Variants in NBAS observed in about 807,000 individuals in gnomAD.
The protein encoded by NBAS is NBAS subunit of NRZ tethering complex.
Under a neutral mutation model 302.5 loss-of-function variants are expected in NBAS, and 219 were observed. That is an observed-to-expected ratio of 0.72 (90% confidence interval 0.65 to 0.81). NBAS has a LOEUF of 0.81. Ranked by LOEUF, NBAS falls within the 30% of genes least tolerant of loss-of-function variation. The probability of loss-of-function intolerance (pLI) is 0.00; values close to 1 mark genes in which losing one functional copy is unlikely to be tolerated. For synonymous variants in NBAS, 1,118 were observed against 1,021.6 expected (o/e 1.09, Z -1.80); for missense variants, 2,932 against 2,841.6 (o/e 1.03, Z -0.72).
At chr2:14,804,003 T>A in the NBAS span, among the ~76,000 whole-genome samples, 2,497 of 152,318 alleles carry the variant, frequency 0.016, 75 homozygotes, top group African/African-American at 0.056. Flanking sequence ...TCTGTAATTC[T>A]CCATCTTGAT....
intron 6 of NBAS, among the ~76,000 whole-genome samples, chr2:15,541,317 T>C (rs1002770650): frequency 2.6e-5 from 4 of 152,112 alleles, no homozygotes; most frequent in African/African-American, 9.7e-5. Context: ...CACTAACGAG[T>C]GACACCTATG....
the NBAS span, among the ~76,000 whole-genome samples, chr2:14,794,688 A>G: frequency 1.3e-5 from 2 of 152,194 alleles, no homozygotes; most frequent in Non-Finnish European, 2.9e-5. Flanking sequence ...CAATTCCTGC[A>G]ATCAAGATGG....
At position 15,511,123 on chromosome 2, in the gene NBAS, T is replaced by C. The variant is rs1477532173; in HGVS notation, c.885+89A>G. ...CATTCAAGATGAAATTATTTCTTCC[T>C]CTATATCTTACAAAGGACTTATTTG... On this transcript the variant is annotated intron_variant, in intron 10 of 51. Coordinates refer to ENST00000281513, the MANE Select transcript of NBAS (RefSeq NM_015909.4). The C allele has an allele frequency of 2.7e-6, 4 of 1,485,750 alleles. No homozygotes were observed. The African/African-American group carries it at 5.6e-5, about 21-fold the overall frequency. 92.0% of individuals were successfully genotyped at this position (1,485,750 alleles called of 1,614,324 possible).
At chr2:15,102,586 A>G in the NBAS span, among the ~76,000 whole-genome samples, 2 of 152,142 alleles carry the variant, frequency 1.3e-5, no homozygotes, top group Non-Finnish European at 1.5e-5. Flanking sequence ...TTGCAACTCC[A>G]TGGTGTCTAA....
chr2:15,455,145 C>T (rs1270329131), intron 21 of NBAS, among the ~76,000 whole-genome samples: 6 of 152,114 alleles, frequency 3.9e-5, no homozygotes, highest in Non-Finnish European at 8.8e-5. Flanking sequence ...TCAGGTGATC[C>T]GCCCACCTTG....
intron 9 of NBAS, among the ~76,000 whole-genome samples, chr2:15,522,498 C>T (rs780483991): frequency 6.6e-6 from 1 of 152,068 alleles, no homozygotes; most frequent in Admixed American, 6.6e-5. Flanking sequence ...GTTCAGTAAG[C>T]GAGTGAATAA....
chr2:15,123,142 C>T, the NBAS span, among the ~76,000 whole-genome samples: 1 of 152,192 alleles, frequency 6.6e-6, no homozygotes, highest in African/African-American at 2.4e-5. Flanking sequence ...TCCCAGCATG[C>T]TGAGTCATCC....
the NBAS span, among the ~76,000 whole-genome samples, chr2:15,039,923 TG>T: frequency 6.6e-6 from 1 of 152,192 alleles, no homozygotes; most frequent in African/African-American, 2.4e-5. Flanking sequence ...ACAAATTAAG[TG>T]GCAGCTTAAG....
intron 21 of NBAS, among the ~76,000 whole-genome samples, chr2:15,443,540 A>T (rs1423259348): frequency 6.6e-6 from 1 of 151,574 alleles, no homozygotes; most frequent in Middle Eastern, 3.4e-3. Context: ...ACCCACAGCC[A>T]ATATCATACT....
chr2:15,299,990 T>C (rs1670721814), intron 40 of NBAS, among the ~76,000 whole-genome samples: 1 of 152,206 alleles, frequency 6.6e-6, no homozygotes, highest in Non-Finnish European at 1.5e-5. Flanking sequence ...TCTCTCAGAC[T>C]GACCATTTGC....
chr2:15,443,341 G>T (rs932755249), intron 21 of NBAS, among the ~76,000 whole-genome samples: 2 of 151,520 alleles, frequency 1.3e-5, no homozygotes, highest in Non-Finnish European at 2.9e-5. Context: ...TGCAAGGCTG[G>T]TTCAATATAC....
the NBAS span, among the ~76,000 whole-genome samples, chr2:15,059,979 A>T: frequency 8.6e-6 from 1 of 116,320 alleles, no homozygotes; most frequent in Non-Finnish European, 1.8e-5. Flanking sequence ...AAAAAAACAA[A>T]AAAAAAAACA....
the NBAS span, among the ~76,000 whole-genome samples, chr2:14,878,191 C>T: frequency 6.6e-6 from 1 of 152,164 alleles, no homozygotes; most frequent in East Asian, 1.9e-4. Flanking sequence ...CTGGCACCAA[C>T]TGGCAAACAG....
chr2:15,053,309 A>C, the NBAS span, among the ~76,000 whole-genome samples: 1 of 152,238 alleles, frequency 6.6e-6, no homozygotes, highest in Non-Finnish European at 1.5e-5. Flanking sequence ...ACCATGAAAT[A>C]GAAAGTCAAA....
chr2:14,963,541 GT>G, the NBAS span, among the ~76,000 whole-genome samples: 1 of 152,200 alleles, frequency 6.6e-6, no homozygotes, highest in Non-Finnish European at 1.5e-5. Context: ...ACTGGAAGGT[GT>G]GTGTTTAACA....
intron 48 of NBAS, among the ~76,000 whole-genome samples, chr2:15,203,440 G>GA (rs1390729520): frequency 6.6e-6 from 1 of 152,208 alleles, no homozygotes; most frequent in Non-Finnish European, 1.5e-5. Context: ...CAGCTTAAGG[G>GA]AAAAGAGATT....
the NBAS span, among the ~76,000 whole-genome samples, chr2:14,982,544 T>C: frequency 6.6e-6 from 1 of 152,176 alleles, no homozygotes; most frequent in South Asian, 2.1e-4. Context: ...ACTAGTCACT[T>C]CTGGAATGGA....
At chr2:14,997,951 T>C in the NBAS span, among the ~76,000 whole-genome samples, 1 of 152,298 alleles carries the variant, frequency 6.6e-6, no homozygotes, top group African/African-American at 2.4e-5. Flanking sequence ...TCCTAATTTA[T>C]TTTGGACTTT....
the NBAS span, among the ~76,000 whole-genome samples, chr2:14,973,503 G>A: frequency 1.3e-5 from 2 of 152,120 alleles, no homozygotes; most frequent in African/African-American, 4.8e-5. Context: ...TATAAGTAAA[G>A]CAGCCAACAG....
Sources: allele counts gnomAD v4.1 joint callset (sites outside exome capture counted in the v4.1 genomes callset), GRCh38; gene constraint gnomAD v4.1.1; transcripts MANE v1.5; gene names NCBI Gene and HGNC (gene_info 2026-07-23, HGNC 2026-07-21).